The following BRCA1 variants were observed in gnomAD, a reference collection of about 807,000 sequenced individuals.
BRCA1 encodes breast cancer type 1 susceptibility protein.
In BRCA1, 140 loss-of-function variants were observed where a neutral mutation model predicts 173.7. The observed-to-expected ratio is 0.81, with a 90% CI of 0.70 to 0.93. The LOEUF is 0.93. Ranked by LOEUF, BRCA1 falls within the 40% of genes least tolerant of loss-of-function variation. The pLI, the probability that BRCA1 is intolerant of heterozygous loss-of-function variation, is 0.00. For synonymous variants in BRCA1, 662 were observed against 756.0 expected (o/e 0.88, Z 2.04); for missense variants, 1,983 against 2,172.5 (o/e 0.91, Z 1.73).
intron 1 of BRCA1, among the ~76,000 whole-genome samples, chr17:43,137,913 G>A (rs1219022878): frequency 2.0e-5 from 3 of 151,920 alleles, no homozygotes; most frequent in African/African-American, 7.3e-5. Context: ...TAGGCCGGGC[G>A]CGGTGTCTCG....
At chr17:43,077,737 T>G (rs1262305111) in intron 12 of BRCA1, among the ~76,000 whole-genome samples, 2 of 128,102 alleles carry the variant, frequency 1.6e-5, no homozygotes, top group Non-Finnish European at 3.3e-5. Flanking sequence ...TTATTTTTAT[T>G]TATTTATTTT....
At chr17:43,097,435 T>C (rs1017370462) in intron 7 of BRCA1, 146 bp from the exon 8 acceptor site, 18 of 763,960 alleles carry the variant, frequency 2.4e-5, no homozygotes, top group Non-Finnish European at 3.9e-5. Flanking sequence ...GTTAAGCTAG[T>C]ATGTAATACA....
chr17:43,151,943 C>T (rs1281045428), intron 1 of BRCA1, among the ~76,000 whole-genome samples: 1 of 152,112 alleles, frequency 6.6e-6, no homozygotes, highest in East Asian at 1.9e-4. Context: ...TTGGAAGTAC[C>T]ATTAAGTGCC....
rs920326491 is a variant in BRCA1, at chr17:43,089,290, T to G, written c.4185+1654A>C. Among the ~76,000 whole-genome samples the G allele has an allele frequency of 5.3e-5, 8 of 151,952 alleles. No individual in the cohort carries two copies. The East Asian group carries it at 1.5e-3, about 29-fold the overall frequency. On this transcript the variant is annotated intron_variant, in intron 11 of 22. Coordinates refer to ENST00000357654, the MANE Select transcript of BRCA1 (RefSeq NM_007294.4). Reference sequence around the variant, plus strand: ...GTGAGCCAAAATTGTGCCACTGCATTCCAGCCTGGGTGACAGAGCAAAACT... The same window carrying G: ...GTGAGCCAAAATTGTGCCACTGCATGCCAGCCTGGGTGACAGAGCAAAACT...
chr17:43,125,190 C>T (rs2154579848), intron 1 of BRCA1, 81 bp downstream of exon 1: 1 of 455,442 alleles, frequency 2.2e-6, no homozygotes, highest in Non-Finnish European at 4.4e-6. Context: ...ACCCATCTGT[C>T]AGCTTCGGAA....
intron 16 of BRCA1, among the ~76,000 whole-genome samples, chr17:43,066,812 C>CTTTTTTT (rs34253779): frequency 1.9e-4 from 21 of 112,242 alleles, no homozygotes; most frequent in African/African-American, 9.1e-4. Context: ...CCCTCCAAAC[C>CTTTTTTT]TTTTTTTTTT....
rs750938749 is a variant in BRCA1 at position 43,071,054 on chromosome 17, A to G, written c.4860T>C (p.Thr1620=). The change falls in exon 15 of 23, where the codon ACT becomes ACC. Residue 1620 remains threonine (T), a synonymous_variant. Transcript: ENST00000357654. ...CCATTGCATTATACCCAGCAGTATC[A>G]GTAGTATGAGCAGCAGCTGGACTCT... ...SAQSPAAAHT[T]DTAGYNAMEE... 30 of 1,614,166 alleles carry G rather than the reference A, an allele frequency of 1.9e-5. No homozygotes were observed. The highest frequency in any genetic ancestry group is 2.5e-5 in the Non-Finnish European group (29 of 1,180,026).
In BRCA1 at chr17:43,091,458, T is replaced by C. The variant is rs397507225; in HGVS notation, c.4073A>G (p.Glu1358Gly). 2.5e-6 allele frequency: 4 copies of C among 1,613,552 alleles called. No individual in the cohort carries two copies. Among genetic ancestry groups the C allele is most frequent in the Non-Finnish European group, 3.4e-6 (4 of 1,179,890 alleles). The change falls in exon 10 of 23, where the codon GAG (glutamate) becomes GGG (glycine). Residue 1358 changes from glutamate (E) to glycine (G), a missense_variant. Glu to Gly is a moderately conservative substitution (Grantham distance 98, BLOSUM62 -2). Coordinates refer to ENST00000357654, the MANE Select transcript of BRCA1 (RefSeq NM_007294.4). ...ACCTAAGTTTGAATCCATGCTTTGC[T>C]CTTCTTGATTATTTTCTTCCAAGCC... Reference protein sequence around the residue: ...GTGLEENNQEEQSMDSNLGEA... With the variant: ...GTGLEENNQEGQSMDSNLGEA...
chr17:43,087,325 G>A (rs2053264785), intron 11 of BRCA1, among the ~76,000 whole-genome samples: 1 of 152,164 alleles, frequency 6.6e-6, no homozygotes, highest in African/African-American at 2.4e-5. Context: ...ACACTGGAAA[G>A]ATAGAATCCC....
chr17:43,078,981 C>T lies in BRCA1; in HGVS notation c.4358-2367G>A, dbSNP rs8176195. ...TTGAGAGGCCGAGGTGGACAGATCA[C>T]CTGAGGTCAGGAGTTTGAGACCAGC... On this transcript the variant is annotated intron_variant, in intron 12 of 22. Transcript: ENST00000357654. 8.5e-5 allele frequency among the ~76,000 whole-genome samples: 13 copies of T among 152,286 alleles called. No individual in the cohort carries two copies. The East Asian group carries it at 2.5e-3, about 29-fold the overall frequency.
chr17:43,061,973 CTCTA>C (rs1447627364), intron 18 of BRCA1, among the ~76,000 whole-genome samples: 1 of 152,164 alleles, frequency 6.6e-6, no homozygotes, highest in East Asian at 1.9e-4. Context: ...TCCTCCTACA[CTCTA>C]TCTTATTTAC....
chr17:43,163,315 G>A (rs1352081332), intron 1 of BRCA1: 2 of 152,224 alleles, frequency 1.3e-5, no homozygotes, highest in Admixed American at 6.5e-5. Context: ...CACATAGAGT[G>A]TAAAGAGTTT....
At chr17:43,130,660 C>G (rs1451497809) in intron 1 of BRCA1, among the ~76,000 whole-genome samples, 1 of 152,090 alleles carries the variant, frequency 6.6e-6, no homozygotes, top group East Asian at 1.9e-4. Flanking sequence ...AAAGAACTTG[C>G]ATATTCATTT....
intron 3 of BRCA1, among the ~76,000 whole-genome samples, chr17:43,111,385 T>A (rs1351437910): frequency 6.6e-6 from 1 of 151,612 alleles, no homozygotes; most frequent in Admixed American, 6.6e-5. Context: ...CCAGGTGTGG[T>A]GGCACATGCC....
At chr17:43,050,379 C>T (rs1189355000) in intron 20 of BRCA1, among the ~76,000 whole-genome samples, 6 of 151,814 alleles carry the variant, frequency 4.0e-5, no homozygotes, top group South Asian at 4.2e-4. Flanking sequence ...GAGGCTGAGG[C>T]GGGTGGATCA....
At position 43,045,436 on chromosome 17, in the gene BRCA1, C is replaced by T. The variant is rs2050839539; in HGVS notation, c.*242G>A. The T allele has an allele frequency of 1.4e-6, 1 of 696,588 alleles. No individual in the cohort carries two copies. The highest frequency in any genetic ancestry group is 2.6e-6 in the Non-Finnish European group (1 of 386,028). 43.2% of individuals were successfully genotyped at this position (696,588 alleles called of 1,614,324 possible). A position where few individuals can be genotyped will look rare whatever the true frequency, so the allele number is the denominator to read the frequency against. ...GGCGTTTAAATGGTTTTAAAATCTTCTCAGGTGAAAAATTACCATAATTTT... is the reference window on the plus strand; with the variant it reads ...GGCGTTTAAATGGTTTTAAAATCTTTTCAGGTGAAAAATTACCATAATTTT... On this transcript the variant is annotated 3_prime_UTR_variant, in exon 23 of 23. Coordinates refer to ENST00000357654, the MANE Select transcript of BRCA1 (RefSeq NM_007294.4).
chr17:43,165,744 AGAT>A (rs2056262513), intron 1 of BRCA1: 1 of 150,616 alleles, frequency 6.6e-6, no homozygotes, highest in Non-Finnish European at 1.5e-5. Context: ...TTTTTTTCGA[AGAT>A]GATAACCATT....
At chr17:43,050,276 G>A in intron 20 of BRCA1, 1 of 393,034 alleles carries the variant, frequency 2.5e-6, no homozygotes, top group Non-Finnish European at 4.5e-6. Flanking sequence ...GCAGTCCTAA[G>A]CATAACATTG....
intron 11 of BRCA1, among the ~76,000 whole-genome samples, chr17:43,087,874 G>C (rs896373791): frequency 2.0e-5 from 3 of 151,484 alleles, no homozygotes; most frequent in Non-Finnish European, 4.4e-5. Context: ...TGAGACTACA[G>C]GTGTGCACCA....
Sources: allele counts gnomAD v4.1 joint callset (sites outside exome capture counted in the v4.1 genomes callset), GRCh38; gene constraint gnomAD v4.1.1; transcripts MANE v1.5; gene names NCBI Gene and HGNC (gene_info 2026-07-23, HGNC 2026-07-21).